The following SIAH3 variants were observed in gnomAD, a reference collection of about 807,000 sequenced individuals.
The protein encoded by SIAH3 is seven in absentia homolog 3.
Under a neutral mutation model 12.6 loss-of-function variants are expected in SIAH3, and 9 were observed. That is an observed-to-expected ratio of 0.72 (90% CI 0.43 to 1.25). The LOEUF is 1.25. Among genes scored for constraint, SIAH3 ranks in the 50% most tolerant of loss-of-function variants. The probability of loss-of-function intolerance (pLI) is 0.00; values close to 1 mark genes in which losing one functional copy is unlikely to be tolerated. For synonymous variants in SIAH3, 154 were observed against 151.1 expected (o/e 1.02, Z -0.14); for missense variants, 390 against 365.4 (o/e 1.07, Z -0.55).
chr13:45,795,472 G>A (rs778847577), intron 1 of SIAH3, among the ~76,000 whole-genome samples: 7 of 152,192 alleles, frequency 4.6e-5, no homozygotes, highest in African/African-American at 9.7e-5. Flanking sequence ...AAATGCCTCC[G>A]TATAGACTGG....
intron 1 of SIAH3, among the ~76,000 whole-genome samples, chr13:45,795,218 C>T (rs954155959): frequency 1.3e-5 from 2 of 152,106 alleles, no homozygotes; most frequent in East Asian, 1.9e-4. Flanking sequence ...AGAGTGGGTA[C>T]AGAAGATGTG....
chr13:45,783,966 C>CGGAGGTGGT lies in SIAH3; in HGVS notation c.226_227insACCACCTCC (p.His75_Arg76insHisHisLeu). 10 of 1,603,744 alleles carry CGGAGGTGGT rather than the reference C, an allele frequency of 6.2e-6. No individual in the cohort carries two copies. The highest frequency in any genetic ancestry group is 7.7e-6 in the Non-Finnish European group (9 of 1,175,316). On this transcript the variant is annotated inframe_insertion, in exon 2 of 2. Transcript: ENST00000400405. ...GTGGTGGCGGAGGTGGTGGTGGTGG[C>CGGAGGTGGT]GGTGGTGGCAGTGGTGGTGGGAGAG...
At chr13:45,844,027 A>G (rs772808135) in intron 1 of SIAH3, among the ~76,000 whole-genome samples, 3 of 152,224 alleles carry the variant, frequency 2.0e-5, no homozygotes, top group Non-Finnish European at 4.4e-5. Context: ...AAGGATTAGT[A>G]CATTTAGGTT....
intron 1 of SIAH3, among the ~76,000 whole-genome samples, chr13:45,837,409 G>A (rs943524063): frequency 9.2e-5 from 14 of 151,792 alleles, no homozygotes; most frequent in African/African-American, 3.4e-4. Flanking sequence ...GGAGCTTTTT[G>A]GGGACTTCCT....
intron 1 of SIAH3, among the ~76,000 whole-genome samples, chr13:45,799,935 G>A (rs1950575787): frequency 6.6e-6 from 1 of 152,132 alleles, no homozygotes; most frequent in Non-Finnish European, 1.5e-5. Flanking sequence ...AGTCAAGCAT[G>A]GGTGATTTTT....
intron 1 of SIAH3, among the ~76,000 whole-genome samples, chr13:45,808,128 T>C (rs719402): frequency 0.34 from 52,277 of 152,026 alleles, 9,697 homozygotes; most frequent in Non-Finnish European, 0.41. Flanking sequence ...ATTTACACCA[T>C]GGAAACTGGC....
chr13:45,812,942 C>T (rs929320130), intron 1 of SIAH3, among the ~76,000 whole-genome samples: 2 of 152,238 alleles, frequency 1.3e-5, no homozygotes, highest in Non-Finnish European at 2.9e-5. Flanking sequence ...AATGTGAGGC[C>T]GTGTCTTCCC....
chr13:45,782,089 A>G lies in SIAH3; in HGVS notation c.*1294T>C, dbSNP rs1020827595. ...GTGTCCAACTTAGAACAGAAAAGAC[A>G]AAGTTGACTAAACATGCTGACTTTC... is the stretch of plus-strand genomic sequence containing the variant. On this transcript the variant is annotated 3_prime_UTR_variant, in exon 2 of 2. Transcript: ENST00000400405. 14 of 152,226 alleles carry G rather than the reference A, an allele frequency of 9.2e-5. No individual in the cohort carries two copies. The highest frequency in any genetic ancestry group is 3.1e-4 in the African/African-American group (13 of 41,456). The allele number at this position is 152,226 out of a possible 1,614,324, so 9.4% of individuals were successfully genotyped here.
chr13:45,851,411 A>C, intron 1 of SIAH3, 84 bp downstream of exon 1: 1 of 1,580,508 alleles, frequency 6.3e-7, no homozygotes, highest in Non-Finnish European at 8.7e-7. Flanking sequence ...AAAGGGCTGC[A>C]CACGTTCGCC....
chr13:45,833,245 C>T (rs778083637), intron 1 of SIAH3, among the ~76,000 whole-genome samples: 3 of 152,158 alleles, frequency 2.0e-5, no homozygotes, highest in African/African-American at 4.8e-5. Flanking sequence ...AGGAGCTACT[C>T]CCACTTCTTT....
rs115188949 is a variant in SIAH3, at chr13:45,818,717, C to T, written c.135+32778G>A. Among the ~76,000 whole-genome samples, 543 of 152,288 alleles carry T rather than the reference C, an allele frequency of 3.6e-3. 3 individuals are homozygous for T. The highest frequency in any genetic ancestry group is 0.013 in the African/African-American group (529 of 41,564). ...TTGTCAGATCTCCCTCTTGTAAGAGCGATTGTGATGGCATTTAGGGCCCAC... is the reference window on the plus strand; with the variant it reads ...TTGTCAGATCTCCCTCTTGTAAGAGTGATTGTGATGGCATTTAGGGCCCAC... On this transcript the variant is annotated intron_variant, in intron 1 of 1. Transcript: ENST00000400405.
At chr13:45,831,170 CTG>C (rs1428544572) in intron 1 of SIAH3, among the ~76,000 whole-genome samples, 1 of 149,822 alleles carries the variant, frequency 6.7e-6, no homozygotes, top group Non-Finnish European at 1.5e-5. Flanking sequence ...CAGAGTGAGA[CTG>C]TGCCTCAAAA....
intron 1 of SIAH3, among the ~76,000 whole-genome samples, chr13:45,820,746 C>G (rs1214489681): frequency 6.6e-6 from 1 of 152,158 alleles, no homozygotes; most frequent in Non-Finnish European, 1.5e-5. Flanking sequence ...TGGGGCTTCT[C>G]TTTCCCCTCC....
chr13:45,838,811 C>T (rs1455286744), intron 1 of SIAH3, among the ~76,000 whole-genome samples: 1 of 151,870 alleles, frequency 6.6e-6, no homozygotes, highest in Non-Finnish European at 1.5e-5. Flanking sequence ...CTCCCGCTTT[C>T]TAGGGTCAAT....
intron 1 of SIAH3, among the ~76,000 whole-genome samples, chr13:45,839,430 T>G (rs545994239): frequency 1.9e-4 from 29 of 152,326 alleles, no homozygotes; most frequent in Middle Eastern, 3.4e-3. Context: ...AACCCATTTC[T>G]TAAAAAAACA....
At chr13:45,823,570 T>A (rs944219748) in intron 1 of SIAH3, among the ~76,000 whole-genome samples, 4 of 152,260 alleles carry the variant, frequency 2.6e-5, no homozygotes, top group Non-Finnish European at 2.9e-5. Flanking sequence ...GTTACCTGAA[T>A]GTAAACTCTC....
At chr13:45,812,953 A>G (rs1439745109) in intron 1 of SIAH3, among the ~76,000 whole-genome samples, 1 of 152,240 alleles carries the variant, frequency 6.6e-6, no homozygotes, top group Non-Finnish European at 1.5e-5. Context: ...GTGTCTTCCC[A>G]GGAGAAGGAA....
At position 45,783,213 on chromosome 13, in the gene SIAH3, G is replaced by A; in HGVS notation, c.*170C>T. 2.5e-6 allele frequency: 1 copy of A among 403,656 alleles called. No individual in the cohort carries two copies. Among genetic ancestry groups the A allele is most frequent in the Non-Finnish European group, 4.2e-6 (1 of 240,900 alleles). 25.0% of individuals were successfully genotyped at this position (403,656 alleles called of 1,614,324 possible). ...TTTACATAATATAATGCCCATGGCA[G>A]ACAAAAACTAAATCTCACAAAGTAC... On this transcript the variant is annotated 3_prime_UTR_variant, in exon 2 of 2. Coordinates refer to ENST00000400405, the MANE Select transcript of SIAH3 (RefSeq NM_198849.3).
chr13:45,850,966 A>C (rs2404598), intron 1 of SIAH3, among the ~76,000 whole-genome samples: 32,386 of 133,022 alleles, frequency 0.24, 4,911 homozygotes, highest in East Asian at 0.59. Flanking sequence ...CACACACACG[A>C]GTCTGAGGAC....
Sources: allele counts gnomAD v4.1 joint callset (sites outside exome capture counted in the v4.1 genomes callset), GRCh38; gene constraint gnomAD v4.1.1; transcripts MANE v1.5; gene names NCBI Gene and HGNC (gene_info 2026-07-23, HGNC 2026-07-21).